PTPRD: variants seen among roughly 807,000 people sequenced by gnomAD.
The protein encoded by PTPRD is protein tyrosine phosphatase receptor type D.
PTPRD carries 34 observed loss-of-function variants against 214.5 expected under a neutral mutation model. The ratio of observed to expected loss-of-function variants is 0.16; its 90% CI spans 0.12 to 0.21. The LOEUF (loss-of-function observed/expected upper bound fraction) is 0.21. PTPRD is among the 10% of genes least tolerant of loss of function. The pLI, the probability that PTPRD is intolerant of heterozygous loss-of-function variation, is 1.00. For missense variants in PTPRD, 2,545 were observed against 2,398.7 expected (o/e 1.06, Z -1.27); for synonymous variants, 1,128 against 845.7 (o/e 1.33, Z -5.79).
At chr9:10,607,823 T>G (rs1567187553) in intron 2 of PTPRD, among the ~76,000 whole-genome samples, 1 of 151,986 alleles carries the variant, frequency 6.6e-6, no homozygotes, top group South Asian at 2.1e-4. Context: ...TCATTTTCCA[T>G]GATTGGAAGT....
intron 2 of PTPRD, among the ~76,000 whole-genome samples, chr9:10,534,164 G>A (rs2057174241): frequency 6.6e-6 from 1 of 151,762 alleles, no homozygotes; most frequent in East Asian, 1.9e-4. Flanking sequence ...GCATTGTAGT[G>A]TAATGTGATT....
At chr9:8,759,955 C>T (rs907208164) in intron 11 of PTPRD, among the ~76,000 whole-genome samples, 5 of 152,172 alleles carry the variant, frequency 3.3e-5, no homozygotes, top group Non-Finnish European at 7.4e-5. Flanking sequence ...TGAAAGATTC[C>T]ATGACAAAGT....
intron 10 of PTPRD, among the ~76,000 whole-genome samples, chr9:9,092,169 C>A (rs1189332792): frequency 6.6e-6 from 1 of 152,116 alleles, no homozygotes; most frequent in African/African-American, 2.4e-5. Flanking sequence ...ATGTTCTCTT[C>A]TTAGAAATAA....
At chr9:8,639,389 A>C (rs970100285) in intron 12 of PTPRD, among the ~76,000 whole-genome samples, 1 of 152,148 alleles carries the variant, frequency 6.6e-6, no homozygotes, top group Non-Finnish European at 1.5e-5. Flanking sequence ...AAATGGTACA[A>C]TACTGTCATT....
intron 5 of PTPRD, among the ~76,000 whole-genome samples, chr9:9,848,666 A>G (rs2059988115): frequency 6.6e-6 from 1 of 152,074 alleles, no homozygotes; most frequent in Admixed American, 6.6e-5. Context: ...TGTTAAAGAG[A>G]TTTAGAAGAA....
At chr9:9,082,929 A>G (rs575196610) in intron 10 of PTPRD, among the ~76,000 whole-genome samples, 1 of 152,334 alleles carries the variant, frequency 6.6e-6, no homozygotes, top group South Asian at 2.1e-4. Context: ...AAAACATTCC[A>G]TGCTCATGGA....
intron 7 of PTPRD, among the ~76,000 whole-genome samples, chr9:9,689,308 C>T (rs1408803123): frequency 6.6e-6 from 1 of 151,744 alleles, no homozygotes; most frequent in Non-Finnish European, 1.5e-5. Context: ...TTATGTTAAT[C>T]ATTCCAGAAA....
At position 10,308,243 on chromosome 9, in the gene PTPRD, T is replaced by C. The variant is rs545331904; in HGVS notation, c.-545+32720A>G. ...TCTATTTTGAGTTGACTTTTGTATA[T>C]AGTGAGAGATAGCATCTGGCTTCAT... On this transcript the variant is annotated intron_variant, in intron 3 of 45. Transcript: ENST00000381196. Among the ~76,000 whole-genome samples, 9 of 152,174 alleles carry C rather than the reference T, an allele frequency of 5.9e-5. No individual in the cohort carries two copies. In the East Asian group the frequency reaches 1.5e-3, roughly 26 times the overall value.
intron 3 of PTPRD, among the ~76,000 whole-genome samples, chr9:10,261,050 A>G (rs147507774): frequency 7.5e-6 from 1 of 133,954 alleles, no homozygotes; most frequent in South Asian, 2.4e-4. Flanking sequence ...TATATATATT[A>G]TATATGTGTA....
At chr9:9,832,190 C>T (rs531897161) in intron 5 of PTPRD, among the ~76,000 whole-genome samples, 15 of 151,978 alleles carry the variant, frequency 9.9e-5, no homozygotes, top group Admixed American at 7.9e-4. Context: ...TGAAAAACAC[C>T]GTAGTTGAAA....
At chr9:10,144,922 C>T (rs1034003354) in intron 3 of PTPRD, among the ~76,000 whole-genome samples, 1 of 151,936 alleles carries the variant, frequency 6.6e-6, no homozygotes, top group African/African-American at 2.4e-5. Flanking sequence ...CAGCATTGTA[C>T]TATAACTCAA....
chr9:8,810,581 T>C (rs1373514138), intron 11 of PTPRD, among the ~76,000 whole-genome samples: 1 of 152,184 alleles, frequency 6.6e-6, no homozygotes, highest in African/African-American at 2.4e-5. Context: ...GCTTGGGTTA[T>C]CGAACACGCT....
chr9:9,143,179 T>G (rs140425112), intron 10 of PTPRD, among the ~76,000 whole-genome samples: 3 of 152,342 alleles, frequency 2.0e-5, no homozygotes, highest in Admixed American at 6.5e-5. Flanking sequence ...TGCTATTTGT[T>G]CATCTCTGAG....
intron 5 of PTPRD, among the ~76,000 whole-genome samples, chr9:9,797,367 T>G (rs1482756620): frequency 6.6e-6 from 1 of 150,840 alleles, no homozygotes; most frequent in African/African-American, 2.4e-5. Flanking sequence ...ATATTTAAAA[T>G]GTGCAAAGCA....
intron 2 of PTPRD, among the ~76,000 whole-genome samples, chr9:10,425,628 C>T (rs528214829): frequency 3.3e-5 from 5 of 152,014 alleles, no homozygotes; most frequent in Admixed American, 6.6e-5. Flanking sequence ...GTTGTTTTTC[C>T]ACAAGTAAAA....
intron 11 of PTPRD, chr9:8,860,671 T>G (rs1471715640): frequency 6.6e-6 from 1 of 152,236 alleles, no homozygotes; most frequent in Non-Finnish European, 1.5e-5. Context: ...AAGAGTGTCC[T>G]AATGCTGCAG....
At chr9:9,732,686 G>A (rs2098219468) in intron 7 of PTPRD, among the ~76,000 whole-genome samples, 1 of 152,138 alleles carries the variant, frequency 6.6e-6, no homozygotes, top group Non-Finnish European at 1.5e-5. Flanking sequence ...AAATGCTTAA[G>A]CAAAGCTTTC....
intron 10 of PTPRD, among the ~76,000 whole-genome samples, chr9:9,100,237 T>G (rs2099789425): frequency 6.6e-6 from 1 of 152,222 alleles, no homozygotes; most frequent in African/African-American, 2.4e-5. Flanking sequence ...CAGATAAATA[T>G]GCCTACCAGC....
chr9:8,903,943 G>C (rs114081420), intron 11 of PTPRD, among the ~76,000 whole-genome samples: 1,561 of 152,218 alleles, frequency 0.01, 15 homozygotes, highest in African/African-American at 0.03. Context: ...TAGTAGATTT[G>C]TAAAGCAAGA....
Sources: gnomAD v4.1 joint callset for allele counts (sites outside exome capture counted in the v4.1 genomes callset) on GRCh38, gnomAD v4.1.1 for gene constraint, MANE v1.5 for transcripts, NCBI Gene and HGNC (gene_info 2026-07-23, HGNC 2026-07-21) for gene names.